Variants in CDH13 observed in about 807,000 individuals in gnomAD.
CDH13 encodes the protein cadherin-13.
In CDH13, 24 loss-of-function variants were observed where a neutral mutation model predicts 63.8. The observed-to-expected ratio is 0.38, with a 90% CI of 0.27 to 0.53. The LOEUF (loss-of-function observed/expected upper bound fraction) is 0.53, where lower values mean the gene tolerates loss of function less well. Ranked by LOEUF, CDH13 falls within the 20% of genes least tolerant of loss-of-function variation. CDH13 has a pLI of 0.85. For synonymous variants in CDH13, 503 were observed against 355.3 expected, an observed-to-expected ratio of 1.42 and a Z score of -4.67; for missense variants, 1,049 against 903.1, an observed-to-expected ratio of 1.16 and a Z score of -2.07.
intron 3 of CDH13, among the ~76,000 whole-genome samples, chr16:83,120,495 T>G (rs2035515629): frequency 1.3e-5 from 2 of 152,212 alleles, no homozygotes; most frequent in Non-Finnish European, 2.9e-5. Context: ...ACATACATTG[T>G]CATCATGAAC....
chr16:83,220,671 GA>G (rs770496643), intron 5 of CDH13, among the ~76,000 whole-genome samples: 4,401 of 131,290 alleles, frequency 0.034, 80 homozygotes, highest in Middle Eastern at 0.045. Flanking sequence ...AAAAGAAAAA[GA>G]AAAAAAAAAA....
chr16:83,336,695 A>G (rs1190964192), intron 5 of CDH13, among the ~76,000 whole-genome samples: 23 of 152,194 alleles, frequency 1.5e-4, no homozygotes, highest in Non-Finnish European at 1.0e-4. Flanking sequence ...ATTTTGCCCA[A>G]AGAAGAATCA....
intron 3 of CDH13, among the ~76,000 whole-genome samples, chr16:83,100,528 G>A (rs796365638): frequency 1.3e-4 from 20 of 152,206 alleles, no homozygotes; most frequent in African/African-American, 3.9e-4. Context: ...TTTCTGTAGC[G>A]GGCAGAAGCT....
chr16:82,974,218 C>T (rs1282870563), intron 2 of CDH13, among the ~76,000 whole-genome samples: 5 of 152,166 alleles, frequency 3.3e-5, no homozygotes, highest in South Asian at 4.1e-4. Flanking sequence ...GGATTACAGG[C>T]GTGAGCCACC....
At chr16:83,118,795 T>C (rs2035431014) in intron 3 of CDH13, among the ~76,000 whole-genome samples, 1 of 152,116 alleles carries the variant, frequency 6.6e-6, no homozygotes. Context: ...AGGGGAGCAG[T>C]ATTGGGCCTC....
intron 3 of CDH13, among the ~76,000 whole-genome samples, chr16:83,094,758 G>C (rs961897683): frequency 6.6e-6 from 1 of 152,184 alleles, no homozygotes; most frequent in African/African-American, 2.4e-5. Flanking sequence ...TGAAAGTGTG[G>C]TTTAAATTTA....
intron 1 of CDH13, among the ~76,000 whole-genome samples, chr16:82,761,017 C>CTTTTTTTT (rs35038319): frequency 0.024 from 972 of 40,432 alleles, 219 homozygotes; most frequent in Non-Finnish European, 0.035. Context: ...TTCTTTCTTT[C>CTTTTTTTT]TTTTTTTTTT....
intron 5 of CDH13, among the ~76,000 whole-genome samples, chr16:83,271,099 A>G (rs2088792709): frequency 6.6e-6 from 1 of 151,892 alleles, no homozygotes; most frequent in African/African-American, 2.4e-5. Context: ...TCAGCATATA[A>G]AATCCTATAA....
At chr16:83,272,626 G>A (rs9926375) in intron 5 of CDH13, among the ~76,000 whole-genome samples, 151,346 of 152,324 alleles carry the variant, frequency 0.99, 75,194 homozygotes, top group Non-Finnish European at 1. Flanking sequence ...GCTGCAGAGA[G>A]ACATCTCTAG....
At chr16:82,994,983 T>C (rs1912044891) in intron 2 of CDH13, among the ~76,000 whole-genome samples, 3 of 152,334 alleles carry the variant, frequency 2.0e-5, no homozygotes, top group East Asian at 3.9e-4. Flanking sequence ...ATTATACTAT[T>C]GATCCTGTAG....
chr16:83,145,685 T>C (rs553233759), intron 4 of CDH13, among the ~76,000 whole-genome samples: 1 of 152,344 alleles, frequency 6.6e-6, no homozygotes, highest in South Asian at 2.1e-4. Flanking sequence ...CATGCTAGGC[T>C]TATTCTCTTC....
intron 5 of CDH13, among the ~76,000 whole-genome samples, chr16:83,303,113 G>A (rs2089789029): frequency 2.0e-5 from 3 of 152,220 alleles, no homozygotes; most frequent in Non-Finnish European, 4.4e-5. Context: ...GTCATCTTTG[G>A]GAGGAGAAGG....
At chr16:83,308,754 T>C (rs2089935513) in intron 5 of CDH13, among the ~76,000 whole-genome samples, 1 of 152,128 alleles carries the variant, frequency 6.6e-6, no homozygotes, top group African/African-American at 2.4e-5. Flanking sequence ...AGTTCAGAGC[T>C]GAGGTAAAAT....
chr16:83,474,038 G>A (rs563383910), intron 6 of CDH13, among the ~76,000 whole-genome samples: 1 of 152,240 alleles, frequency 6.6e-6, no homozygotes, highest in South Asian at 2.1e-4. Flanking sequence ...GTGTCCCTCT[G>A]AGCCCATACT....
chr16:82,684,979 C>G (rs1914915149), intron 1 of CDH13, among the ~76,000 whole-genome samples: 1 of 129,976 alleles, frequency 7.7e-6, no homozygotes, highest in Non-Finnish European at 1.7e-5. Context: ...ATTCTTGGAG[C>G]TGGGAAATTT....
At chr16:83,691,074 G>A (rs1049707943) in intron 10 of CDH13, among the ~76,000 whole-genome samples, 6 of 744 alleles carry the variant, frequency 8.1e-3, no homozygotes, top group East Asian at 0.062. Flanking sequence ...ACTGTGCCGT[G>A]TGTGTGTGTG....
intron 3 of CDH13, among the ~76,000 whole-genome samples, chr16:83,056,705 C>T (rs765993604): frequency 6.6e-6 from 1 of 152,214 alleles, no homozygotes; most frequent in East Asian, 1.9e-4. Flanking sequence ...AAGTGCAGCT[C>T]CCATAATCCC....
intron 1 of CDH13, among the ~76,000 whole-genome samples, chr16:82,720,495 G>A (rs1163735016): frequency 2.0e-5 from 3 of 152,030 alleles, no homozygotes; most frequent in Admixed American, 6.6e-5. Context: ...TCATTCCATC[G>A]CAGGGCACAC....
At chr16:83,515,963 T>C (rs976470244) in intron 7 of CDH13, among the ~76,000 whole-genome samples, 1 of 152,222 alleles carries the variant, frequency 6.6e-6, no homozygotes, top group Non-Finnish European at 1.5e-5. Context: ...ATTATCTTGT[T>C]ATCCATGTTC....
Sources: gnomAD v4.1 joint callset for allele counts (sites outside exome capture counted in the v4.1 genomes callset) on GRCh38, gnomAD v4.1.1 for gene constraint, MANE v1.5 for transcripts, NCBI Gene and HGNC (gene_info 2026-07-23, HGNC 2026-07-21) for gene names.